Variants in CTNNA3 observed in about 807,000 individuals in gnomAD.
CTNNA3 encodes the protein catenin alpha-3.
Under a neutral mutation model 95.7 loss-of-function variants are expected in CTNNA3, and 76 were observed. That is an observed-to-expected ratio of 0.79 (90% CI 0.66 to 0.96). The LOEUF is 0.96. Among genes scored for constraint, CTNNA3 ranks in the 40% least tolerant of loss-of-function variants. The pLI, the probability that CTNNA3 is intolerant of heterozygous loss-of-function variation, is 0.00. For synonymous variants in CTNNA3, 431 were observed against 374.4 expected (o/e 1.15, Z -1.74); for missense variants, 1,191 against 1,089.8 (o/e 1.09, Z -1.31).
chr10:67,278,091 T>C (rs1839257030), intron 5 of CTNNA3, among the ~76,000 whole-genome samples: 1 of 152,118 alleles, frequency 6.6e-6, no homozygotes, highest in Non-Finnish European at 1.5e-5. Context: ...GAATCCTCTC[T>C]TGGGGTCTGG....
intron 17 of CTNNA3, among the ~76,000 whole-genome samples, chr10:65,966,227 A>G (rs1173959295): frequency 6.6e-6 from 1 of 152,244 alleles, no homozygotes; most frequent in East Asian, 1.9e-4. Context: ...ATCAATTAAT[A>G]GCAGCGAAGC....
chr10:66,015,753 T>A (rs2079083165), intron 15 of CTNNA3, among the ~76,000 whole-genome samples: 2 of 152,190 alleles, frequency 1.3e-5, no homozygotes, highest in Admixed American at 6.5e-5. Context: ...ATAAAGTCCC[T>A]TTTATGGAGA....
chr10:66,352,988 G>A (rs150232994), intron 12 of CTNNA3, among the ~76,000 whole-genome samples: 1 of 151,852 alleles, frequency 6.6e-6, no homozygotes, highest in African/African-American at 2.4e-5. Context: ...CTGAGCCATA[G>A]GTAAATGGGT....
intron 5 of CTNNA3, among the ~76,000 whole-genome samples, chr10:67,515,844 T>C (rs772692500): frequency 3.3e-4 from 50 of 152,196 alleles, no homozygotes; most frequent in Non-Finnish European, 6.9e-4. Flanking sequence ...TATAGAACTA[T>C]TGCTCTAGAA....
At chr10:66,824,376 G>C (rs999999918) in intron 7 of CTNNA3, among the ~76,000 whole-genome samples, 5 of 152,168 alleles carry the variant, frequency 3.3e-5, no homozygotes, top group African/African-American at 1.2e-4. Context: ...AAGTACACAG[G>C]TGACTGAATG....
intron 11 of CTNNA3, among the ~76,000 whole-genome samples, chr10:66,462,039 C>T (rs1000308842): frequency 1.3e-5 from 2 of 151,962 alleles, no homozygotes; most frequent in Non-Finnish European, 2.9e-5. Context: ...TCTCAAACTC[C>T]TACCTTGTGA....
chr10:66,378,247 C>G (rs963462766), intron 12 of CTNNA3, among the ~76,000 whole-genome samples: 25 of 152,108 alleles, frequency 1.6e-4, no homozygotes. Context: ...ACTCTTTTGG[C>G]TAAACAATGT....
intron 11 of CTNNA3, among the ~76,000 whole-genome samples, chr10:66,464,015 C>T (rs2131855137): frequency 6.6e-6 from 1 of 151,970 alleles, no homozygotes; most frequent in East Asian, 1.9e-4. Flanking sequence ...GTATTGTTGG[C>T]ATTTGATTAA....
At chr10:66,087,278 A>G (rs2081020126) in intron 14 of CTNNA3, among the ~76,000 whole-genome samples, 1 of 152,094 alleles carries the variant, frequency 6.6e-6, no homozygotes, top group Admixed American at 6.6e-5. Context: ...CTTTCTCTGC[A>G]TGAGGAAGCT....
At chr10:67,255,827 A>C (rs573471283) in intron 5 of CTNNA3, among the ~76,000 whole-genome samples, 145 of 152,298 alleles carry the variant, frequency 9.5e-4, no homozygotes, top group African/African-American at 3.2e-3. Context: ...TGCTCATTAC[A>C]TAAATTAATA....
At chr10:67,537,424 T>G (rs1388234307) in intron 4 of CTNNA3, among the ~76,000 whole-genome samples, 1 of 152,202 alleles carries the variant, frequency 6.6e-6, no homozygotes, top group Non-Finnish European at 1.5e-5. Context: ...GCACAGTGTT[T>G]GGCACATTAT....
intron 6 of CTNNA3, among the ~76,000 whole-genome samples, chr10:67,199,423 G>T (rs1863532139): frequency 6.6e-6 from 1 of 152,126 alleles, no homozygotes; most frequent in Admixed American, 6.6e-5. Context: ...AGGCTGGAAT[G>T]CAGTGGCGCA....
chr10:67,670,105 C>A (rs1397162605), intron 1 of CTNNA3, among the ~76,000 whole-genome samples: 1 of 152,118 alleles, frequency 6.6e-6, no homozygotes, highest in Non-Finnish European at 1.5e-5. Flanking sequence ...AAAATAGAAA[C>A]CTCTGTGTCT....
chr10:67,361,927 C>T (rs1461622371), intron 5 of CTNNA3, among the ~76,000 whole-genome samples: 1 of 151,936 alleles, frequency 6.6e-6, no homozygotes, highest in Non-Finnish European at 1.5e-5. Flanking sequence ...AAAAAAATGA[C>T]AATGGTGACA....
intron 7 of CTNNA3, among the ~76,000 whole-genome samples, chr10:67,152,823 G>A (rs1352601112): frequency 6.6e-6 from 1 of 152,110 alleles, no homozygotes; most frequent in East Asian, 1.9e-4. Flanking sequence ...TTTCCAGAAG[G>A]AATCTAAGTT....
chr10:66,321,420 T>C (rs575379936), intron 12 of CTNNA3, among the ~76,000 whole-genome samples: 1 of 152,210 alleles, frequency 6.6e-6, no homozygotes, highest in East Asian at 1.9e-4. Flanking sequence ...GTGGAAATCC[T>C]AAGAAGTAAC....
chr10:66,695,920 G>GAA (rs1050283059), intron 9 of CTNNA3, among the ~76,000 whole-genome samples: 2 of 140,350 alleles, frequency 1.4e-5, no homozygotes, highest in African/African-American at 2.6e-5. Flanking sequence ...GACGTAAGGG[G>GAA]GGGGGGCAAT....
rs118174876 is a variant in CTNNA3 at position 66,642,370 on chromosome 10, A to T, written c.1282-20586T>A. ...AACATGACTAGGTCATTTAAACAGTACTTGAATATATTCACAGAAAATCAG... is the reference window on the plus strand; with the variant it reads ...AACATGACTAGGTCATTTAAACAGTTCTTGAATATATTCACAGAAAATCAG... On this transcript the variant is annotated intron_variant, in intron 9 of 17. Coordinates refer to ENST00000433211, the MANE Select transcript of CTNNA3 (RefSeq NM_013266.4). Among the ~76,000 whole-genome samples, 1,135 of 151,986 alleles carry T rather than the reference A, an allele frequency of 7.5e-3. 4 individuals carry two copies. Among genetic ancestry groups the T allele is most frequent in the Non-Finnish European group, 0.013 (878 of 67,954 alleles).
chr10:66,862,011 T>A (rs1042715605), intron 7 of CTNNA3, among the ~76,000 whole-genome samples: 1 of 152,106 alleles, frequency 6.6e-6, no homozygotes, highest in African/African-American at 2.4e-5. Context: ...GGTCAGGAGT[T>A]CAAGATCAGC....
Sources: allele counts gnomAD v4.1 joint callset (sites outside exome capture counted in the v4.1 genomes callset), GRCh38; gene constraint gnomAD v4.1.1; transcripts MANE v1.5; gene names NCBI Gene and HGNC (gene_info 2026-07-23, HGNC 2026-07-21).